Variants in GNAQ observed in about 807,000 individuals in gnomAD.
The protein encoded by GNAQ is G protein subunit alpha q.
Under a neutral mutation model 43.9 loss-of-function variants are expected in GNAQ, and 8 were observed. The ratio of observed to expected loss-of-function variants is 0.18; its 90% CI spans 0.11 to 0.33. The LOEUF is 0.33. Among genes scored for constraint, GNAQ ranks in the 10% least tolerant of loss-of-function variants. GNAQ has a pLI of 1.00. For missense variants in GNAQ, 158 were observed against 450.8 expected (o/e 0.35, Z 5.88); for synonymous variants, 155 against 170.7 (o/e 0.91, Z 0.71).
intron 2 of GNAQ, among the ~76,000 whole-genome samples, chr9:77,892,852 T>C (rs1373724809): frequency 1.3e-5 from 2 of 152,200 alleles, no homozygotes; most frequent in African/African-American, 2.4e-5. Context: ...CTTGTCATGT[T>C]TGGTAAACAA....
At chr9:77,948,609 A>C (rs2118369874) in intron 1 of GNAQ, among the ~76,000 whole-genome samples, 1 of 152,320 alleles carries the variant, frequency 6.6e-6, no homozygotes, top group African/African-American at 2.4e-5. Flanking sequence ...TGGGCAGAGC[A>C]CAGCAGAAAG....
intron 2 of GNAQ, among the ~76,000 whole-genome samples, chr9:77,920,082 T>C (rs1422021857): frequency 2.0e-5 from 3 of 151,818 alleles, no homozygotes; most frequent in Non-Finnish European, 4.4e-5. Flanking sequence ...CAGATTGCAG[T>C]GAGCTGAGAT....
chr9:77,853,203 A>T (rs561885289), intron 2 of GNAQ, among the ~76,000 whole-genome samples: 2 of 152,256 alleles, frequency 1.3e-5, no homozygotes, highest in Admixed American at 1.3e-4. Context: ...AACAAAGAGA[A>T]TTTGTTGGCA....
chr9:77,902,890 T>C (rs568077902), intron 2 of GNAQ, among the ~76,000 whole-genome samples: 2 of 152,340 alleles, frequency 1.3e-5, no homozygotes, highest in South Asian at 2.1e-4. Flanking sequence ...TTACTTCACG[T>C]ATTCCTTCAA....
At chr9:77,787,108 A>G (rs1411012237) in intron 5 of GNAQ, among the ~76,000 whole-genome samples, 1 of 152,254 alleles carries the variant, frequency 6.6e-6, no homozygotes, top group African/African-American at 2.4e-5. Context: ...TTTATAAAAA[A>G]GTTTAAAATA....
At chr9:77,805,623 C>G (rs1015256265) in intron 3 of GNAQ, among the ~76,000 whole-genome samples, 1 of 152,064 alleles carries the variant, frequency 6.6e-6, no homozygotes, top group East Asian at 1.9e-4. Flanking sequence ...TCAGGCTGGT[C>G]TCGAACTCCT....
At chr9:77,918,756 G>A (rs1357632759) in intron 2 of GNAQ, among the ~76,000 whole-genome samples, 1 of 151,952 alleles carries the variant, frequency 6.6e-6, no homozygotes, top group African/African-American at 2.4e-5. Context: ...CTCCCTTTCT[G>A]GATTGTAAAT....
At chr9:77,836,468 T>C (rs1411535966) in intron 2 of GNAQ, among the ~76,000 whole-genome samples, 1 of 152,134 alleles carries the variant, frequency 6.6e-6, no homozygotes, top group African/African-American at 2.4e-5. Context: ...ATAATCTATT[T>C]CTTCTTTTAA....
At chr9:77,900,259 C>G (rs1418898475) in intron 2 of GNAQ, among the ~76,000 whole-genome samples, 1 of 152,140 alleles carries the variant, frequency 6.6e-6, no homozygotes, top group Admixed American at 6.5e-5. Flanking sequence ...CACATTCTAA[C>G]AGAAACACAT....
At chr9:77,912,460 T>A (rs1490876487) in intron 2 of GNAQ, among the ~76,000 whole-genome samples, 1 of 152,092 alleles carries the variant, frequency 6.6e-6, no homozygotes, top group Non-Finnish European at 1.5e-5. Flanking sequence ...TCGAAGAAAA[T>A]CCAGCAAATT....
At chr9:77,916,974 A>T (rs571110958) in intron 2 of GNAQ, among the ~76,000 whole-genome samples, 1 of 152,348 alleles carries the variant, frequency 6.6e-6, no homozygotes, top group African/African-American at 2.4e-5. Context: ...TTATAAGCCA[A>T]CTATCAAAGG....
At chr9:77,835,466 T>C (rs1243344877) in intron 2 of GNAQ, among the ~76,000 whole-genome samples, 1 of 152,084 alleles carries the variant, frequency 6.6e-6, no homozygotes, top group Non-Finnish European at 1.5e-5. Context: ...TAAAAATACT[T>C]GGCTAAGAAT....
At chr9:77,976,474 C>A (rs554275983) in intron 1 of GNAQ, among the ~76,000 whole-genome samples, 1 of 152,102 alleles carries the variant, frequency 6.6e-6, no homozygotes, top group Non-Finnish European at 1.5e-5. Flanking sequence ...CTCAGTGCAA[C>A]CTCCGCCTCC....
intron 2 of GNAQ, among the ~76,000 whole-genome samples, chr9:77,835,718 G>A (rs1827373144): frequency 6.6e-6 from 1 of 152,070 alleles, no homozygotes; most frequent in African/African-American, 2.4e-5. Context: ...AACTGAAGTG[G>A]GGCATAGGAG....
At chr9:77,781,371 T>C (rs868597280) in intron 5 of GNAQ, among the ~76,000 whole-genome samples, 1 of 152,102 alleles carries the variant, frequency 6.6e-6, no homozygotes, top group Non-Finnish European at 1.5e-5. Context: ...ATGTATGTTC[T>C]TGGAACTTTG....
chr9:77,718,290 T>C lies in GNAQ; in HGVS notation c.*3033A>G, dbSNP rs1825255334. The C allele has an allele frequency of 4.3e-6, 1 of 232,646 alleles. No individual in the cohort carries two copies. Among genetic ancestry groups the C allele is most frequent in the African/African-American group, 2.2e-5 (1 of 45,348 alleles). 14.4% of individuals were successfully genotyped at this position (232,646 alleles called of 1,614,324 possible). ...TATAATATAAAGCATGAGTAAACTTTGTTTTTATACAAAACTGAAAAGAAT... is the reference window on the plus strand; with the variant it reads ...TATAATATAAAGCATGAGTAAACTTCGTTTTTATACAAAACTGAAAAGAAT... On this transcript the variant is annotated 3_prime_UTR_variant, in exon 7 of 7. Coordinates refer to ENST00000286548, the MANE Select transcript of GNAQ (RefSeq NM_002072.5).
chr9:77,830,907 G>A (rs1393877189), intron 2 of GNAQ, among the ~76,000 whole-genome samples: 1 of 152,064 alleles, frequency 6.6e-6, no homozygotes, highest in Non-Finnish European at 1.5e-5. Context: ...GTCCTTTAAA[G>A]AAAGAGTTTC....
chr9:77,854,836 G>A (rs1827726675), intron 2 of GNAQ, among the ~76,000 whole-genome samples: 1 of 152,186 alleles, frequency 6.6e-6, no homozygotes, highest in Admixed American at 6.5e-5. Context: ...TCTATGAAGA[G>A]AGGATAATTA....
chr9:77,983,510 C>T (rs535977266), intron 1 of GNAQ, among the ~76,000 whole-genome samples: 8 of 152,164 alleles, frequency 5.3e-5, no homozygotes, highest in African/African-American at 1.2e-4. Flanking sequence ...TGAGCCTCTT[C>T]GAAGAGCCAT....
Sources: allele counts gnomAD v4.1 joint callset (sites outside exome capture counted in the v4.1 genomes callset), GRCh38; gene constraint gnomAD v4.1.1; transcripts MANE v1.5; gene names NCBI Gene and HGNC (gene_info 2026-07-23, HGNC 2026-07-21).